MORN5: variants seen among roughly 807,000 people sequenced by gnomAD.
MORN5 encodes MORN repeat-containing protein 5.
A neutral mutation model predicts 22.1 loss-of-function variants in MORN5; 21 were observed. The observed-to-expected ratio is 0.95, with a 90% CI of 0.67 to 1.37. MORN5 has a LOEUF of 1.37. Ranked by LOEUF, MORN5 falls within the 40% of genes most tolerant of loss-of-function variation. The pLI, the probability that MORN5 is intolerant of heterozygous loss-of-function variation, is 0.00. For missense variants in MORN5, 211 were observed against 215.1 expected (o/e 0.98, Z 0.12); for synonymous variants, 73 against 74.0 (o/e 0.99, Z 0.07).
At chr9:122,198,887 C>T (rs1271750994) in intron 4 of MORN5, among the ~76,000 whole-genome samples, 1 of 152,188 alleles carries the variant, frequency 6.6e-6, no homozygotes, top group African/African-American at 2.4e-5. Flanking sequence ...ATGAAAGCCA[C>T]AGCACAATGC....
At chr9:122,167,526 C>A (rs561322209) in intron 2 of MORN5, among the ~76,000 whole-genome samples, 83 of 151,870 alleles carry the variant, frequency 5.5e-4, no homozygotes, top group African/African-American at 1.9e-3. Flanking sequence ...CTAATTTCTC[C>A]CTGCTTCTGG....
chr9:122,174,813 A>T, intron 4 of MORN5, 186 bp downstream of exon 4: 1 of 1,443,076 alleles, frequency 6.9e-7, no homozygotes. Context: ...ACATAGTCCT[A>T]GAGTGAGGTA....
chr9:122,176,042 C>T (rs1019614011), intron 4 of MORN5, among the ~76,000 whole-genome samples: 3 of 148,944 alleles, frequency 2.0e-5, no homozygotes, highest in Admixed American at 6.8e-5. Flanking sequence ...GGCGTGAACC[C>T]GGGAGGCGGA....
chr9:122,186,205 C>T (rs1193710422), intron 4 of MORN5, among the ~76,000 whole-genome samples: 1 of 152,108 alleles, frequency 6.6e-6, no homozygotes, highest in Non-Finnish European at 1.5e-5. Flanking sequence ...CTTACCACAT[C>T]CCAGTTCTTT....
intron 1 of MORN5, 67 bp downstream of exon 1, chr9:122,160,086 G>A: frequency 6.8e-7 from 1 of 1,460,822 alleles, no homozygotes; most frequent in Non-Finnish European, 9.4e-7. Context: ...ACGGCTTTTT[G>A]CTTCTGCGAA....
chr9:122,172,804 T>C (rs1588304201), intron 3 of MORN5, among the ~76,000 whole-genome samples: 1 of 152,144 alleles, frequency 6.6e-6, no homozygotes, highest in African/African-American at 2.4e-5. Flanking sequence ...CAGTGCAGGG[T>C]GAAGTATGTG....
chr9:122,167,262 G>T (rs1364341514), intron 2 of MORN5, among the ~76,000 whole-genome samples: 2 of 151,022 alleles, frequency 1.3e-5, no homozygotes, highest in African/African-American at 4.9e-5. Flanking sequence ...TTGCCAGGAT[G>T]GTCTCAGTCT....
intron 4 of MORN5, among the ~76,000 whole-genome samples, chr9:122,190,271 A>G (rs1829733022): frequency 1.3e-5 from 2 of 152,242 alleles, no homozygotes; most frequent in Non-Finnish European, 2.9e-5. Flanking sequence ...TTATTTCCAC[A>G]TATTAAAACA....
chr9:122,180,537 C>T (rs570018469), intron 4 of MORN5, among the ~76,000 whole-genome samples: 65 of 152,252 alleles, frequency 4.3e-4, no homozygotes, highest in African/African-American at 1.3e-3. Context: ...CCGCCTGCCT[C>T]GGCTTCCCAA....
At chr9:122,168,958 C>A (rs141113106) in intron 2 of MORN5, among the ~76,000 whole-genome samples, 2 of 152,172 alleles carry the variant, frequency 1.3e-5, no homozygotes, top group Non-Finnish European at 2.9e-5. Flanking sequence ...AGGGCCTCAA[C>A]CAGGGGGATC....
chr9:122,170,228 G>A (rs1392406446), intron 3 of MORN5, among the ~76,000 whole-genome samples: 4 of 151,664 alleles, frequency 2.6e-5, no homozygotes, highest in Non-Finnish European at 5.9e-5. Flanking sequence ...CTCAGGAGGT[G>A]GAGTTTGCAG....
rs570553213 is a variant in MORN5 at position 122,170,274 on chromosome 9, C to T, written c.307+518C>T. 1.4e-4 allele frequency among the ~76,000 whole-genome samples: 21 copies of T among 145,374 alleles called. No homozygotes were observed. In the South Asian group the frequency reaches 3.5e-3, roughly 24 times the overall value. On this transcript the variant is annotated intron_variant, in intron 3 of 4. Coordinates refer to ENST00000373764, the MANE Select transcript of MORN5 (RefSeq NM_198469.4). Reference sequence around the variant, plus strand: ...TCACACCACTGCACTCCAGCCTGGGCGACAGAGCGACACTCTGGTCTCAGA... The same window carrying T: ...TCACACCACTGCACTCCAGCCTGGGTGACAGAGCGACACTCTGGTCTCAGA...
At chr9:122,194,722 T>C (rs2118788532) in intron 4 of MORN5, among the ~76,000 whole-genome samples, 1 of 152,070 alleles carries the variant, frequency 6.6e-6, no homozygotes, top group African/African-American at 2.4e-5. Flanking sequence ...AAAAACATTA[T>C]ATAAAAAAAT....
chr9:122,172,789 C>T (rs1829384906), intron 3 of MORN5, among the ~76,000 whole-genome samples: 1 of 152,166 alleles, frequency 6.6e-6, no homozygotes, highest in Non-Finnish European at 1.5e-5. Flanking sequence ...ATGATACTGA[C>T]ATCACAGTGC....
chr9:122,184,721 C>A (rs1216371564), intron 4 of MORN5, among the ~76,000 whole-genome samples: 1 of 152,180 alleles, frequency 6.6e-6, no homozygotes, highest in Non-Finnish European at 1.5e-5. Context: ...AGTAACCCTG[C>A]AAAGTCATTA....
intron 1 of MORN5, among the ~76,000 whole-genome samples, chr9:122,160,797 T>C (rs1038626213): frequency 6.6e-6 from 1 of 152,096 alleles, no homozygotes; most frequent in Non-Finnish European, 1.5e-5. Flanking sequence ...CAACGCCTTT[T>C]GTAGAGACGG....
chr9:122,189,703 T>C (rs1481476893), intron 4 of MORN5, among the ~76,000 whole-genome samples: 6 of 152,038 alleles, frequency 3.9e-5, no homozygotes, highest in Admixed American at 6.6e-5. Flanking sequence ...ACCTCCTGGG[T>C]TCACGCCATT....
At position 122,163,139 on chromosome 9, in the gene MORN5, C is replaced by G. The variant is rs577078742; in HGVS notation, c.47+3120C>G. On this transcript the variant is annotated intron_variant, in intron 1 of 4. Transcript: ENST00000373764. ...AATTGAGTTCTAGATAACTCCACTC[C>G]AAAGCACCACAAGGTAAGTGCCAGA... Among the ~76,000 whole-genome samples the G allele has an allele frequency of 4.6e-5, 7 of 152,226 alleles. No individual in the cohort carries two copies. In the East Asian group the frequency reaches 1.4e-3, roughly 29 times the overall value.
chr9:122,165,477 A>C (rs558402910), intron 1 of MORN5, among the ~76,000 whole-genome samples: 14 of 150,960 alleles, frequency 9.3e-5, no homozygotes, highest in African/African-American at 3.4e-4. Flanking sequence ...TGGGAGGCTG[A>C]GGTGGGAGGA....
Sources: allele counts gnomAD v4.1 joint callset (sites outside exome capture counted in the v4.1 genomes callset), GRCh38; gene constraint gnomAD v4.1.1; transcripts MANE v1.5; gene names NCBI Gene and HGNC (gene_info 2026-07-23, HGNC 2026-07-21).